Variants in AP3B1 observed in about 807,000 individuals in gnomAD.
The protein encoded by AP3B1 is adaptor related protein complex 3 subunit beta 1.
A neutral mutation model predicts 132.5 loss-of-function variants in AP3B1; 61 were observed. The observed-to-expected ratio is 0.46, with a 90% CI of 0.37 to 0.57. The LOEUF (loss-of-function observed/expected upper bound fraction) is 0.57. AP3B1 is among the 20% of genes least tolerant of loss of function. The probability of loss-of-function intolerance (pLI) is 0.00; values close to 1 mark genes in which losing one functional copy is unlikely to be tolerated. For synonymous variants in AP3B1, 388 were observed against 438.3 expected, an observed-to-expected ratio of 0.89 and a Z score of 1.43; for missense variants, 1,120 against 1,289.4, an observed-to-expected ratio of 0.87 and a Z score of 2.01.
At chr5:78,260,349 G>A (rs1748034255) in intron 2 of AP3B1, among the ~76,000 whole-genome samples, 1 of 152,142 alleles carries the variant, frequency 6.6e-6, no homozygotes, top group African/African-American at 2.4e-5. Flanking sequence ...CACTTTGGGA[G>A]GCCGAGGAGG....
chr5:78,227,122 T>C (rs1423950553), intron 5 of AP3B1, among the ~76,000 whole-genome samples: 2 of 152,156 alleles, frequency 1.3e-5, no homozygotes, highest in African/African-American at 4.8e-5. Context: ...TCTTAAGTTA[T>C]AAAATCTATA....
At chr5:78,184,630 G>GT (rs898862582) in intron 7 of AP3B1, among the ~76,000 whole-genome samples, 55 of 150,502 alleles carry the variant, frequency 3.7e-4, no homozygotes, top group African/African-American at 1.3e-3. Context: ...AGAGATTGCA[G>GT]TAAGCCGAGA....
Position 78,022,485 on chromosome 5 carries a change from T to C in AP3B1, c.2895-1696A>G, listed in dbSNP as rs1180572057. On this transcript the variant is annotated intron_variant, in intron 24 of 26. Coordinates refer to ENST00000255194, the MANE Select transcript of AP3B1 (RefSeq NM_003664.5). ...CAGAGTATCATATATAGTATGACCA[T>C]TCATCCCAGTCCTCCCAGGAATAGT... Among the ~76,000 whole-genome samples, 5 of 152,164 alleles carry C rather than the reference T, an allele frequency of 3.3e-5. No homozygotes were observed. In the East Asian group the frequency reaches 9.6e-4, roughly 29 times the overall value.
intron 20 of AP3B1, among the ~76,000 whole-genome samples, chr5:78,108,335 T>C (rs1020951896): frequency 6.6e-6 from 1 of 152,212 alleles, no homozygotes; most frequent in Non-Finnish European, 1.5e-5. Flanking sequence ...TCCACAATTA[T>C]AGTCACCTAT....
At position 78,278,866 on chromosome 5, in the gene AP3B1, C is replaced by A. The variant is rs542603736; in HGVS notation, c.129-11271G>T. ...CTTGTAAACTGTGCATGCGAGGGATCTAGGCTGCACGCTCCTTATGAGAAT... is the reference window on the plus strand; with the variant it reads ...CTTGTAAACTGTGCATGCGAGGGATATAGGCTGCACGCTCCTTATGAGAAT... On this transcript the variant is annotated intron_variant, in intron 1 of 26. Coordinates refer to ENST00000255194, the MANE Select transcript of AP3B1 (RefSeq NM_003664.5). 6.6e-5 allele frequency among the ~76,000 whole-genome samples: 10 copies of A among 152,162 alleles called. No individual in the cohort carries two copies. The East Asian group carries it at 1.9e-3, about 29-fold the overall frequency.
chr5:78,061,760 C>T (rs1018636438), intron 22 of AP3B1, among the ~76,000 whole-genome samples: 1 of 152,342 alleles, frequency 6.6e-6, no homozygotes, highest in East Asian at 1.9e-4. Context: ...TTCACACTGA[C>T]ATCCTCTGTA....
At chr5:78,000,932 A>G (rs1746188962), downstream of AP3B1, 1 of 152,226 alleles carries the variant, frequency 6.6e-6, no homozygotes, top group South Asian at 2.1e-4. Flanking sequence ...ATATTAAGCT[A>G]CTAGTGTTAA....
At chr5:78,059,018 C>T (rs923542707) in intron 22 of AP3B1, among the ~76,000 whole-genome samples, 1 of 152,186 alleles carries the variant, frequency 6.6e-6, no homozygotes, top group Non-Finnish European at 1.5e-5. Flanking sequence ...ATCCACAGAA[C>T]CAATGAATAT....
chr5:78,163,396 GTAGGCTATTTACAAACATTTTAATT>G (rs1343654401), intron 12 of AP3B1, among the ~76,000 whole-genome samples: 11 of 152,070 alleles, frequency 7.2e-5, no homozygotes, highest in Non-Finnish European at 4.4e-5. Flanking sequence ...AAAGGGACCA[GTAGGCTATTTACAAACATTTTAATT>G]TCAAAATCTA....
At chr5:78,270,736 G>A (rs989737719) in intron 1 of AP3B1, among the ~76,000 whole-genome samples, 3 of 152,160 alleles carry the variant, frequency 2.0e-5, no homozygotes, top group African/African-American at 7.2e-5. Context: ...AAAACATTAA[G>A]GCTTAGGAAC....
chr5:78,163,604 T>C (rs1018394614), intron 12 of AP3B1, among the ~76,000 whole-genome samples: 9 of 134,362 alleles, frequency 6.7e-5, no homozygotes, highest in African/African-American at 2.3e-4. Context: ...TATATATATA[T>C]GTGTGTGTGT....
intron 15 of AP3B1, among the ~76,000 whole-genome samples, chr5:78,133,933 C>T (rs1752789083): frequency 6.6e-6 from 1 of 151,930 alleles, no homozygotes; most frequent in Admixed American, 6.6e-5. Context: ...ATTTGAAGAA[C>T]TGTTACATAA....
At chr5:78,139,044 A>T (rs1270926855) in intron 15 of AP3B1, among the ~76,000 whole-genome samples, 1 of 151,694 alleles carries the variant, frequency 6.6e-6, no homozygotes, top group African/African-American at 2.4e-5. Context: ...TCAAGAAAAA[A>T]AAAAAAAAAA....
At chr5:78,201,743 T>C (rs1745297394) in intron 7 of AP3B1, among the ~76,000 whole-genome samples, 1 of 152,178 alleles carries the variant, frequency 6.6e-6, no homozygotes, top group Admixed American at 6.5e-5. Flanking sequence ...TCTTGGAAGT[T>C]AAAGACAGAC....
At chr5:78,060,559 T>C (rs1749002727) in intron 22 of AP3B1, among the ~76,000 whole-genome samples, 1 of 152,242 alleles carries the variant, frequency 6.6e-6, no homozygotes, top group South Asian at 2.1e-4. Context: ...CCTTCTGTCA[T>C]GATCCCAAGA....
chr5:78,011,598 C>T (rs1746629254), intron 26 of AP3B1, among the ~76,000 whole-genome samples: 2 of 152,116 alleles, frequency 1.3e-5, no homozygotes, highest in African/African-American at 4.8e-5. Context: ...AACCTGTGCG[C>T]CTTTAATTGG....
chr5:78,153,967 C>G (rs917224428), intron 14 of AP3B1, among the ~76,000 whole-genome samples: 14 of 152,186 alleles, frequency 9.2e-5, no homozygotes, highest in African/African-American at 3.4e-4. Context: ...CTATTCAAGA[C>G]ATGAGTACTT....
chr5:78,191,653 AC>A (rs1744840176), intron 7 of AP3B1, among the ~76,000 whole-genome samples: 1 of 152,188 alleles, frequency 6.6e-6, no homozygotes, highest in South Asian at 2.1e-4. Context: ...CACAAGTAGA[AC>A]AAAATCCATC....
chr5:78,226,248 T>A (rs1052328822), intron 5 of AP3B1, among the ~76,000 whole-genome samples: 8 of 152,074 alleles, frequency 5.3e-5, no homozygotes, highest in African/African-American at 9.7e-5. Context: ...TCCCATAAGT[T>A]TCTAAGGAGA....
Sources: allele counts gnomAD v4.1 joint callset (sites outside exome capture counted in the v4.1 genomes callset), GRCh38; gene constraint gnomAD v4.1.1; transcripts MANE v1.5; gene names NCBI Gene and HGNC (gene_info 2026-07-23, HGNC 2026-07-21).